ZDHHC2: variants seen among roughly 807,000 people sequenced by gnomAD.
The protein encoded by ZDHHC2 is palmitoyltransferase ZDHHC2.
ZDHHC2 carries 51 observed loss-of-function variants against 55.6 expected under a neutral mutation model. That is an observed-to-expected ratio of 0.92 (90% CI 0.73 to 1.16). ZDHHC2 has a LOEUF of 1.16. Ranked by LOEUF, ZDHHC2 falls within the 50% of genes most tolerant of loss-of-function variation. The pLI, the probability that ZDHHC2 is intolerant of heterozygous loss-of-function variation, is 0.00. For missense variants in ZDHHC2, 491 were observed against 442.4 expected (o/e 1.11, Z -0.99); for synonymous variants, 199 against 152.9 (o/e 1.30, Z -2.22).
intron 1 of ZDHHC2, among the ~76,000 whole-genome samples, chr8:17,165,463 A>G (rs993671607): frequency 2.0e-5 from 3 of 152,236 alleles, no homozygotes; most frequent in Admixed American, 1.3e-4. Flanking sequence ...GAAAATTAAG[A>G]TATACCAAAC....
intron 1 of ZDHHC2, among the ~76,000 whole-genome samples, chr8:17,183,035 T>G (rs1434731732): frequency 6.6e-6 from 1 of 152,232 alleles, no homozygotes; most frequent in Non-Finnish European, 1.5e-5. Flanking sequence ...ATGTTGGGAT[T>G]ACAGGTGTGA....
chr8:17,220,783 C>T lies in ZDHHC2; in HGVS notation c.*562C>T, dbSNP rs1807886617. On this transcript the variant is annotated 3_prime_UTR_variant, in exon 13 of 13. Coordinates refer to ENST00000262096, the MANE Select transcript of ZDHHC2 (RefSeq NM_016353.5). ...ATAATTATGAATTCATTACAGAGTC[C>T]AGGTGGCCTGCAGTTGAAGATCATC... is the stretch of plus-strand genomic sequence containing the variant. 1 of 152,046 alleles carries T rather than the reference C, an allele frequency of 6.6e-6. No homozygotes were observed. The allele number at this position is 152,046 out of a possible 1,614,324, so 9.4% of individuals were successfully genotyped here. A position where few individuals can be genotyped will look rare whatever the true frequency, so the allele number is the denominator to read the frequency against.
chr8:17,187,056 A>G (rs1805748276), intron 3 of ZDHHC2, among the ~76,000 whole-genome samples: 2 of 152,200 alleles, frequency 1.3e-5, no homozygotes, highest in African/African-American at 2.4e-5. Flanking sequence ...TGCTGACGTC[A>G]TTTCCACTTA....
At chr8:17,217,290 T>G in intron 12 of ZDHHC2, 44 bp downstream of exon 12, 2 of 1,369,082 alleles carry the variant, frequency 1.5e-6, no homozygotes, top group East Asian at 2.5e-5. Flanking sequence ...TTAACAGTCT[T>G]CTAATTTTAT....
rs1159183708 is a variant in ZDHHC2, at chr8:17,220,477, G to A, written c.*256G>A. 6.6e-6 allele frequency: 1 copy of A among 152,016 alleles called. No homozygotes were observed. Among genetic ancestry groups the A allele is most frequent in the African/African-American group, 2.4e-5 (1 of 41,368 alleles). The allele number at this position is 152,016 out of a possible 1,614,324, so 9.4% of individuals were successfully genotyped here. A position where few individuals can be genotyped will look rare whatever the true frequency, so the allele number is the denominator to read the frequency against. ...GTAGTTCTGGTTTATTAATCAACGGGGAAAACATCTTCTCCAAAAAACTTG... is the reference window on the plus strand; with the variant it reads ...GTAGTTCTGGTTTATTAATCAACGGAGAAAACATCTTCTCCAAAAAACTTG... On this transcript the variant is annotated 3_prime_UTR_variant, in exon 13 of 13. Transcript: ENST00000262096.
intron 3 of ZDHHC2, among the ~76,000 whole-genome samples, chr8:17,187,806 C>G (rs1160004718): frequency 2.0e-5 from 3 of 152,126 alleles, no homozygotes; most frequent in Non-Finnish European, 2.9e-5. Context: ...GTTCTAAACT[C>G]CCCCTTAAAT....
chr8:17,159,869 A>C (rs138729754), intron 1 of ZDHHC2, among the ~76,000 whole-genome samples: 1 of 149,576 alleles, frequency 6.7e-6, no homozygotes, highest in African/African-American at 2.5e-5. Context: ...TTCTCTTACC[A>C]CTCCTTTTCC....
In ZDHHC2 at chr8:17,204,833, A is replaced by T. The variant is rs562135303; in HGVS notation, c.477-822A>T. 3.2e-4 allele frequency among the ~76,000 whole-genome samples: 48 copies of T among 152,176 alleles called. 1 individual carries two copies. The highest frequency in any genetic ancestry group is 1.1e-3 in the African/African-American group (46 of 41,558). On this transcript the variant is annotated intron_variant, in intron 6 of 12. Transcript: ENST00000262096. ...AAGTAAAATAAAATATAAATAAATA[A>T]TTTTTTAAAAAAGAAAAATCTTAAC...
chr8:17,210,896 A>G (rs1807351258), intron 10 of ZDHHC2, among the ~76,000 whole-genome samples: 1 of 152,166 alleles, frequency 6.6e-6, no homozygotes, highest in South Asian at 2.1e-4. Context: ...TTGGAGATCA[A>G]ATGGACCCCC....
chr8:17,222,889 A>G lies in ZDHHC2; in HGVS notation c.*2668A>G, dbSNP rs1199414654. 2 of 151,896 alleles carry G rather than the reference A, an allele frequency of 1.3e-5. No homozygotes were observed. Among genetic ancestry groups the G allele is most frequent in the Non-Finnish European group, 3.0e-5 (2 of 67,796 alleles). The allele number at this position is 151,896 out of a possible 1,614,324, so 9.4% of individuals were successfully genotyped here. On this transcript the variant is annotated 3_prime_UTR_variant, in exon 13 of 13. Coordinates refer to ENST00000262096, the MANE Select transcript of ZDHHC2 (RefSeq NM_016353.5). ...AGGTCTTGGGAGGGGTGGTGAGAAAATAAGGTATTTACTTTGTAGTAGTTA... is the reference window on the plus strand; with the variant it reads ...AGGTCTTGGGAGGGGTGGTGAGAAAGTAAGGTATTTACTTTGTAGTAGTTA...
intron 1 of ZDHHC2, among the ~76,000 whole-genome samples, chr8:17,180,368 T>G (rs973199388): frequency 6.6e-6 from 1 of 152,216 alleles, no homozygotes. Context: ...AAAAAGGCAA[T>G]TGACTTATAA....
intron 1 of ZDHHC2, among the ~76,000 whole-genome samples, chr8:17,166,993 A>T (rs940928904): frequency 2.6e-5 from 4 of 152,228 alleles, no homozygotes; most frequent in African/African-American, 9.6e-5. Context: ...AGGCAAGCTT[A>T]ACTTTTCTTA....
chr8:17,214,918 G>A (rs1807572416), intron 10 of ZDHHC2, among the ~76,000 whole-genome samples: 1 of 152,016 alleles, frequency 6.6e-6, no homozygotes, highest in Non-Finnish European at 1.5e-5. Flanking sequence ...ACATAAAATT[G>A]ATAATAAAAT....
chr8:17,190,255 CAA>C (rs539334473), intron 3 of ZDHHC2, among the ~76,000 whole-genome samples: 3 of 132,360 alleles, frequency 2.3e-5, no homozygotes, highest in Non-Finnish European at 3.3e-5. Flanking sequence ...CACTCCGTCT[CAA>C]AAAAAAAAAA....
rs374889012 is a variant in ZDHHC2 at position 17,180,627 on chromosome 8, C to T, written c.131-4162C>T. On this transcript the variant is annotated intron_variant, in intron 1 of 12. Transcript: ENST00000262096. ...TCTACACAAGGCACTGTGTTAAGTA[C>T]ATTGTTTTATTGTCCCTTTGAATTC... Among the ~76,000 whole-genome samples the T allele has an allele frequency of 4.0e-4, 61 of 152,238 alleles. 2 individuals carry two copies. Among genetic ancestry groups the T allele is most frequent in the African/African-American group, 1.4e-3 (60 of 41,536 alleles).
At position 17,204,375 on chromosome 8, in the gene ZDHHC2, G is replaced by T. The variant is rs918991941; in HGVS notation, c.477-1280G>T. On this transcript the variant is annotated intron_variant, in intron 6 of 12. Transcript: ENST00000262096. ...AAAGGAAACAATATGTGTATGTTCT[G>T]TGCAATAGGCTGAATACTAGAAAAG... Among the ~76,000 whole-genome samples the T allele has an allele frequency of 2.6e-4, 39 of 152,298 alleles. 1 individual carries two copies. Among genetic ancestry groups the T allele is most frequent in the African/African-American group, 8.9e-4 (37 of 41,550 alleles).
chr8:17,156,993 C>T, intron 1 of ZDHHC2, 140 bp downstream of exon 1: 1 of 777,688 alleles, frequency 1.3e-6, no homozygotes, highest in Non-Finnish European at 1.8e-6. Flanking sequence ...CCGGCTCCGC[C>T]GCTAAAAGCA....
chr8:17,177,373 G>A (rs909434434), intron 1 of ZDHHC2, among the ~76,000 whole-genome samples: 7 of 152,214 alleles, frequency 4.6e-5, no homozygotes, highest in African/African-American at 1.7e-4. Flanking sequence ...ATGGCAGCTA[G>A]AGACATGAAG....
intron 3 of ZDHHC2, among the ~76,000 whole-genome samples, chr8:17,190,948 ATTCTTTTT>A (rs1461926625): frequency 6.6e-5 from 6 of 91,350 alleles, no homozygotes; most frequent in South Asian, 6.2e-4. Context: ...GGTCTTATTC[ATTCTTTTT>A]TTTTTTTTTT....
Sources: gnomAD v4.1 joint callset for allele counts (sites outside exome capture counted in the v4.1 genomes callset) on GRCh38, gnomAD v4.1.1 for gene constraint, MANE v1.5 for transcripts, NCBI Gene and HGNC (gene_info 2026-07-23, HGNC 2026-07-21) for gene names.